The following CA10 variants were observed in gnomAD, a reference collection of about 807,000 sequenced individuals.
CA10 encodes carbonic anhydrase 10 (inactive), also known as carbonic anhydrase-related protein 10.
Under a neutral mutation model 44.2 loss-of-function variants are expected in CA10, and 14 were observed. That is an observed-to-expected ratio of 0.32 (90% CI 0.21 to 0.50). The LOEUF is 0.50. Ranked by LOEUF, CA10 falls within the 20% of genes least tolerant of loss-of-function variation. CA10 has a pLI of 0.99. For synonymous variants in CA10, 159 were observed against 141.6 expected (o/e 1.12, Z -0.87); for missense variants, 350 against 409.7 (o/e 0.85, Z 1.26).
At chr17:52,132,484 A>G (rs1024657244) in intron 1 of CA10, among the ~76,000 whole-genome samples, 1 of 152,224 alleles carries the variant, frequency 6.6e-6, no homozygotes, top group African/African-American at 2.4e-5. Flanking sequence ...AGTACTAAGC[A>G]CAGTAAAGGA....
intron 4 of CA10, among the ~76,000 whole-genome samples, chr17:51,747,265 C>A (rs1904720869): frequency 6.6e-6 from 1 of 152,196 alleles, no homozygotes; most frequent in Non-Finnish European, 1.5e-5. Flanking sequence ...TCTGTGCTAT[C>A]ATATGTGACA....
chr17:51,996,594 AC>A (rs1445485498), intron 2 of CA10, among the ~76,000 whole-genome samples: 1 of 151,922 alleles, frequency 6.6e-6, no homozygotes, highest in Admixed American at 6.6e-5. Flanking sequence ...GATACACAAA[AC>A]TTTCCTTAAT....
chr17:51,970,408 A>G (rs905534889), intron 2 of CA10, among the ~76,000 whole-genome samples: 2 of 152,048 alleles, frequency 1.3e-5, no homozygotes, highest in African/African-American at 4.8e-5. Context: ...CCTCTTACAC[A>G]TGAGGAATAA....
intron 6 of CA10, among the ~76,000 whole-genome samples, chr17:51,648,251 C>T (rs750804010): frequency 3.7e-4 from 56 of 152,138 alleles, no homozygotes; most frequent in Non-Finnish European, 7.2e-4. Flanking sequence ...GAAGGGCATG[C>T]CAAGGGGATG....
chr17:51,661,377 A>G (rs1045364855), intron 4 of CA10, among the ~76,000 whole-genome samples: 1 of 152,334 alleles, frequency 6.6e-6, no homozygotes. Context: ...AATGGGAACC[A>G]AGACACTGAG....
chr17:52,016,178 T>C (rs1829320794), intron 2 of CA10, among the ~76,000 whole-genome samples: 1 of 152,070 alleles, frequency 6.6e-6, no homozygotes, highest in African/African-American at 2.4e-5. Flanking sequence ...GCTCAGAGCA[T>C]CTCCATGCAA....
intron 2 of CA10, among the ~76,000 whole-genome samples, chr17:51,970,074 C>T (rs1230406587): frequency 2.6e-5 from 4 of 151,886 alleles, no homozygotes; most frequent in African/African-American, 7.3e-5. Context: ...CACCTCAGGC[C>T]AATGTAGATT....
At chr17:51,749,838 G>A (rs1904832608) in intron 3 of CA10, among the ~76,000 whole-genome samples, 1 of 152,164 alleles carries the variant, frequency 6.6e-6, no homozygotes, top group African/African-American at 2.4e-5. Flanking sequence ...GGAATGGGGA[G>A]AATAACTACT....
At chr17:51,997,612 C>A (rs904119796) in intron 2 of CA10, among the ~76,000 whole-genome samples, 1 of 152,106 alleles carries the variant, frequency 6.6e-6, no homozygotes, top group African/African-American at 2.4e-5. Context: ...TCTTCTCACA[C>A]TCTCCAGGGG....
At chr17:52,157,384 G>C (rs898903817) in intron 1 of CA10, among the ~76,000 whole-genome samples, 1 of 151,956 alleles carries the variant, frequency 6.6e-6, no homozygotes, top group Non-Finnish European at 1.5e-5. Flanking sequence ...CCAGGGGATG[G>C]GGGTGGTTGT....
intron 1 of CA10, among the ~76,000 whole-genome samples, chr17:52,086,764 T>C (rs1988126941): frequency 6.6e-6 from 1 of 152,218 alleles, no homozygotes; most frequent in Non-Finnish European, 1.5e-5. Flanking sequence ...TAGAATATTC[T>C]ATTTGCATTT....
intron 1 of CA10, among the ~76,000 whole-genome samples, chr17:52,139,468 G>C (rs1430142547): frequency 7.7e-6 from 1 of 129,896 alleles, no homozygotes; most frequent in Non-Finnish European, 1.6e-5. Context: ...TTTTTTTTTC[G>C]AAATAATGCA....
intron 1 of CA10, among the ~76,000 whole-genome samples, chr17:52,104,262 A>G (rs1280449364): frequency 6.6e-6 from 1 of 151,172 alleles, no homozygotes; most frequent in Admixed American, 6.6e-5. Context: ...CAGTGGCACA[A>G]TCTCTGCTCA....
intron 4 of CA10, among the ~76,000 whole-genome samples, chr17:51,742,957 C>T (rs1270293504): frequency 1.3e-5 from 2 of 152,176 alleles, no homozygotes. Context: ...AAATATAATC[C>T]ACATTATGTG....
chr17:51,959,282 C>CTCTCTCTGTG (rs748461115), intron 2 of CA10, among the ~76,000 whole-genome samples: 2 of 134,368 alleles, frequency 1.5e-5, no homozygotes, highest in Non-Finnish European at 3.1e-5. Flanking sequence ...CTCTCTCTCT[C>CTCTCTCTGTG]TGTGTGTGTG....
At chr17:51,967,477 GTACATCTA>G (rs1388684185) in intron 2 of CA10, among the ~76,000 whole-genome samples, 1 of 151,690 alleles carries the variant, frequency 6.6e-6, no homozygotes, top group East Asian at 1.9e-4. Context: ...AGAAAATGTG[GTACATCTA>G]TACTATGGAA....
intron 3 of CA10, among the ~76,000 whole-genome samples, chr17:51,902,858 A>G (rs1354531364): frequency 6.6e-6 from 1 of 152,176 alleles, no homozygotes; most frequent in African/African-American, 2.4e-5. Context: ...CGGGTAGCTT[A>G]TAGTGGGGAA....
chr17:52,117,639 G>C (rs911943909), intron 1 of CA10, among the ~76,000 whole-genome samples: 2 of 152,106 alleles, frequency 1.3e-5, no homozygotes, highest in African/African-American at 4.8e-5. Flanking sequence ...AAACTTTATT[G>C]ATGCCTAGCA....
intron 1 of CA10, among the ~76,000 whole-genome samples, chr17:52,095,222 T>G (rs1598211781): frequency 6.6e-6 from 1 of 152,148 alleles, no homozygotes; most frequent in East Asian, 1.9e-4. Context: ...AAGAGTACAT[T>G]CTGCATGATG....
Sources: gnomAD v4.1 joint callset for allele counts (sites outside exome capture counted in the v4.1 genomes callset) on GRCh38, gnomAD v4.1.1 for gene constraint, MANE v1.5 for transcripts, NCBI Gene and HGNC (gene_info 2026-07-23, HGNC 2026-07-21) for gene names.